Variants in CBY2 observed in about 807,000 individuals in gnomAD.
CBY2 encodes chibby family member 2.
CBY2 carries 23 observed loss-of-function variants against 25.3 expected under a neutral mutation model. The observed-to-expected ratio is 0.91, with a 90% CI of 0.65 to 1.29. The LOEUF (loss-of-function observed/expected upper bound fraction) is 1.29, where lower values mean the gene tolerates loss of function less well. CBY2 is among the 50% of genes most tolerant of loss of function. The probability of loss-of-function intolerance (pLI) is 0.00; values close to 1 mark genes in which losing one functional copy is unlikely to be tolerated. For missense variants in CBY2, 642 were observed against 590.7 expected (o/e 1.09, Z -0.90); for synonymous variants, 279 against 260.2 (o/e 1.07, Z -0.70).
In CBY2 at chr13:45,702,757, CT is replaced by C. The variant is rs1467938619; in HGVS notation, c.76-14del. On this transcript the variant is annotated splice_polypyrimidine_tract_variant and intron_variant, in intron 1 of 2. Coordinates refer to ENST00000310521, the MANE Select transcript of CBY2 (RefSeq NM_152719.3). ...TGAGCTGGGAAGCAGTAATCTTCTT[CT>C]TTTCTCGTTTCCACAGCACTCAAGG... The C allele has an allele frequency of 6.2e-7, 1 of 1,606,214 alleles. No individual in the cohort carries two copies. Among genetic ancestry groups the C allele is most frequent in the South Asian group, 1.1e-5 (1 of 90,856 alleles).
Position 45,713,234 on chromosome 13 carries a change from G to A in CBY2, c.209G>A (p.Arg70His), listed in dbSNP as rs150716541. 8.9e-5 allele frequency: 144 copies of A among 1,613,432 alleles called. No homozygotes were observed. The highest frequency in any genetic ancestry group is 1.2e-4 in the Non-Finnish European group (142 of 1,179,914). The stretch of plus-strand genomic sequence containing the variant: ...CTCCACAACTTGTACAGCACCCCTC[G>A]CTGCGCGCAGCAGGCCGCCCTGCCC... ...PRLHNLYSTP[R>H]CAQQAALPRL... The change falls in exon 3 of 3, where the codon CGC (arginine) becomes CAC (histidine). Residue 70 changes from arginine to histidine, a missense_variant. Transcript: ENST00000310521. The surrounding 1 kb of genome is among the most constrained non-coding windows in gnomAD (Gnocchi z 5.0).
In CBY2 at chr13:45,714,349, C is replaced by T. The variant is rs1305616205; in HGVS notation, c.1324C>T (p.Pro442Ser). The T allele has an allele frequency of 3.7e-6, 6 of 1,609,166 alleles. No homozygotes were observed. Among genetic ancestry groups the T allele is most frequent in the Non-Finnish European group, 4.2e-6 (5 of 1,177,846 alleles). Reference sequence around the variant, plus strand: ...CTTCATGCCGGCCAGGAGCCAGGACCCCAAGAAGCCTAGCAGGGTCTGAGG... The same window carrying T: ...CTTCATGCCGGCCAGGAGCCAGGACTCCAAGAAGCCTAGCAGGGTCTGAGG... ...YAFMPARSQD[P>S]KKPSRV The change falls in exon 3 of 3, where the codon CCC (proline) becomes TCC (serine). Residue 442 changes from proline (P) to serine (S), a missense_variant. Coordinates refer to ENST00000310521, the MANE Select transcript of CBY2 (RefSeq NM_152719.3).
At position 45,702,595 on chromosome 13, in the gene CBY2, T is replaced by C. The variant is rs146271544; in HGVS notation, c.75+130T>C. 809 of 936,422 alleles carry C rather than the reference T, an allele frequency of 8.6e-4. 2 individuals are homozygous for C. In the East Asian group the frequency reaches 9.1e-3, roughly 11 times the overall value. 58.0% of individuals were successfully genotyped at this position (936,422 alleles called of 1,614,324 possible). ...ATCTAGCTTAATATCTGTTCAGAGA[T>C]TGATAAACCATCATGCCAGATATCA... On this transcript the variant is annotated intron_variant, in intron 1 of 2. Coordinates refer to ENST00000310521, the MANE Select transcript of CBY2 (RefSeq NM_152719.3).
chr13:45,713,667 C>T lies in CBY2; in HGVS notation c.642C>T (p.Ala214=), dbSNP rs1371815095. ...KASLGREESR[A]PSPLLHKDSA... The stretch of plus-strand genomic sequence containing the variant: ...CGCTGGGCCGAGAGGAGAGCCGGGC[C>T]CCCTCGCCACTGCTGCACAAAGACA... Residue 214 remains alanine, a synonymous_variant, in exon 3 of 3, where the codon GCC becomes GCT. Transcript: ENST00000310521. This position sits in a 1 kb window ranked among gnomAD's most constrained non-coding sequence, Gnocchi z 5.0. The T allele has an allele frequency of 6.2e-7, 1 of 1,612,924 alleles. No homozygotes were observed. Among genetic ancestry groups the T allele is most frequent in the Non-Finnish European group, 8.5e-7 (1 of 1,180,000 alleles).
In CBY2 at chr13:45,702,797, GA is replaced by G. The variant is rs757680117; in HGVS notation, c.103del (p.Arg35GlufsTer8). 6.2e-7 allele frequency: 1 copy of G among 1,614,036 alleles called. No individual in the cohort carries two copies. Among genetic ancestry groups the G allele is most frequent in the South Asian group, 1.1e-5 (1 of 91,078 alleles). On this transcript the variant is annotated frameshift_variant, in exon 2 of 3. Transcript: ENST00000310521. LOFTEE classifies it high-confidence loss of function. Reference sequence around the variant, plus strand: ...CAGCACTCAAGGCCAAATTATACAAGAAAAAGAGATACCAGATCTGAAAGCC... The same window carrying G: ...CAGCACTCAAGGCCAAATTATACAAGAAAAGAGATACCAGATCTGAAAGCC... ...LTLHSRPNYTRKRDTRSESLE... is the reference protein window; with the variant it reads ...LTLHSRPNYTXKRDTRSESLE...
At chr13:45,709,883 C>G (rs1412594059) in intron 2 of CBY2, among the ~76,000 whole-genome samples, 1 of 152,166 alleles carries the variant, frequency 6.6e-6, no homozygotes, top group Non-Finnish European at 1.5e-5. Context: ...GTGTGTACTT[C>G]ACACATAGAA....
Position 45,714,411 on chromosome 13 carries a change from C to T in CBY2, c.*39C>T. On this transcript the variant is annotated 3_prime_UTR_variant, in exon 3 of 3. Coordinates refer to ENST00000310521, the MANE Select transcript of CBY2 (RefSeq NM_152719.3). The stretch of plus-strand genomic sequence containing the variant: ...CACCGGGACGCCGAGTTTGGGACAC[C>T]GAACACTGGGCAAAAGAGAATCCCC... 6.7e-7 allele frequency: 1 copy of T among 1,492,696 alleles called. No individual in the cohort carries two copies. The highest frequency in any genetic ancestry group is 9.0e-7 in the Non-Finnish European group (1 of 1,108,630). 92.5% of individuals were successfully genotyped at this position (1,492,696 alleles called of 1,614,324 possible).
intron 2 of CBY2, chr13:45,703,500 G>C (rs1257000926): frequency 6.5e-7 from 1 of 1,550,262 alleles, no homozygotes; most frequent in African/African-American, 1.4e-5. Flanking sequence ...GGGTGGCTTT[G>C]CTTTCTCCAG....
At chr13:45,707,737 C>A (rs1950247512) in intron 2 of CBY2, among the ~76,000 whole-genome samples, 1 of 152,170 alleles carries the variant, frequency 6.6e-6, no homozygotes, top group Non-Finnish European at 1.5e-5. Context: ...AATGTCTGAG[C>A]ATTGTGAAGT....
At chr13:45,707,268 T>C (rs1461276253) in intron 2 of CBY2, among the ~76,000 whole-genome samples, 1 of 152,054 alleles carries the variant, frequency 6.6e-6, no homozygotes, top group African/African-American at 2.4e-5. Context: ...AGGGAGTACA[T>C]GGATGAACCT....
Position 45,713,752 on chromosome 13 carries a change from G to A in CBY2, c.727G>A (p.Glu243Lys), listed in dbSNP as rs370705481. The change falls in exon 3 of 3, where the codon GAG becomes AAG. Residue 243 changes from glutamate (E) to lysine (K), a missense_variant. Glu to Lys is a moderately conservative substitution (Grantham distance 56). Transcript: ENST00000310521. The surrounding 1 kb of genome is among the most constrained non-coding windows in gnomAD (Gnocchi z 5.0). ...HVALQVPRGK[E>K]DSTLQLLREE... The stretch of plus-strand genomic sequence containing the variant: ...CGCCCTGCAGGTGCCCCGTGGCAAG[G>A]AGGACAGCACCCTGCAGCTCCTCCG... 14 of 1,609,808 alleles carry A rather than the reference G, an allele frequency of 8.7e-6. No homozygotes were observed. In the African/African-American group the frequency reaches 1.2e-4, roughly 14 times the overall value.
chr13:45,713,827 T>C lies in CBY2; in HGVS notation c.802T>C (p.Trp268Arg). The C allele has an allele frequency of 6.5e-7, 1 of 1,539,084 alleles. No individual in the cohort carries two copies. Among genetic ancestry groups the C allele is most frequent in the Non-Finnish European group, 8.7e-7 (1 of 1,144,362 alleles). ...QQLLEQKQAYWAQAEDTAAPA... is the reference protein window; with the variant it reads ...QQLLEQKQAYRAQAEDTAAPA... ...GCTGCTGGAGCAGAAACAGGCCTAC[T>C]GGGCGCAGGCAGAGGACACGGCCGC... is the stretch of plus-strand genomic sequence containing the variant. Residue 268 changes from tryptophan to arginine, a missense_variant, in exon 3 of 3, where the codon TGG (tryptophan) becomes CGG (arginine). By Grantham distance (101) the Trp-to-Arg change is moderately radical. Coordinates refer to ENST00000310521, the MANE Select transcript of CBY2 (RefSeq NM_152719.3). The surrounding 1 kb of genome is among the most constrained non-coding windows in gnomAD (Gnocchi z 5.0).
At chr13:45,708,523 C>T (rs1950252091) in intron 2 of CBY2, among the ~76,000 whole-genome samples, 1 of 152,154 alleles carries the variant, frequency 6.6e-6, no homozygotes, top group African/African-American at 2.4e-5. Flanking sequence ...GGTGCAATAA[C>T]ATCCTGAGTG....
intron 2 of CBY2, 154 bp downstream of exon 2, chr13:45,703,009 TG>T: frequency 8.8e-7 from 1 of 1,135,198 alleles, no homozygotes; most frequent in Non-Finnish European, 1.2e-6. Context: ...GGCGGTGTGC[TG>T]GGGAAGGCCA....
Position 45,713,810 on chromosome 13 carries a change from A to G in CBY2, c.785A>G (p.Glu262Gly), listed in dbSNP as rs1004317293. 12 of 1,557,102 alleles carry G rather than the reference A, an allele frequency of 7.7e-6. No individual in the cohort carries two copies. Among genetic ancestry groups the G allele is most frequent in the Non-Finnish European group, 8.7e-6 (10 of 1,152,816 alleles). ...EENRALQQLL[E>G]QKQAYWAQAE... The stretch of plus-strand genomic sequence containing the variant: ...AATCGCGCGCTGCAGCAGCTGCTGG[A>G]GCAGAAACAGGCCTACTGGGCGCAG... The change falls in exon 3 of 3, where the codon GAG becomes GGG. Residue 262 changes from glutamate (E) to glycine (G), a missense_variant. Physicochemically the swap from Glu to Gly is moderately conservative, Grantham distance 98 (BLOSUM62 -2). Transcript: ENST00000310521. The surrounding 1 kb of genome is among the most constrained non-coding windows in gnomAD (Gnocchi z 5.0).
rs1368314556 is a variant in CBY2, at chr13:45,713,845, A to G, written c.820A>G (p.Thr274Ala). ...GGCCTACTGGGCGCAGGCAGAGGAC[A>G]CGGCCGCCCCTGCCGAGGAAAGCAA... is the stretch of plus-strand genomic sequence containing the variant. ...KQAYWAQAED[T>A]AAPAEESKPA... The change falls in exon 3 of 3, where the codon ACG becomes GCG. Residue 274 changes from threonine to alanine, a missense_variant. By Grantham distance (58) the Thr-to-Ala change is moderately conservative. Transcript: ENST00000310521. The surrounding 1 kb of genome is among the most constrained non-coding windows in gnomAD (Gnocchi z 5.0). 4 of 1,520,160 alleles carry G rather than the reference A, an allele frequency of 2.6e-6. No individual in the cohort carries two copies. The East Asian group carries it at 9.8e-5, about 37-fold the overall frequency. The allele number at this position is 1,520,160 out of a possible 1,614,324, so 94.2% of individuals were successfully genotyped here.
At chr13:45,703,440 T>G in intron 2 of CBY2, 1 of 1,532,528 alleles carries the variant, frequency 6.5e-7, no homozygotes, top group East Asian at 2.5e-5. Context: ...GCTGTTTCCT[T>G]AGTGGAGTCC....
At position 45,713,225 on chromosome 13, in the gene CBY2, G is replaced by T. The variant is rs1950281652; in HGVS notation, c.200G>T (p.Ser67Ile). ...EPFPRLHNLY[S>I]TPRCAQQAAL... is the part of the protein sequence containing the mutation. The stretch of plus-strand genomic sequence containing the variant: ...TTCCCGAGGCTCCACAACTTGTACA[G>T]CACCCCTCGCTGCGCGCAGCAGGCC... Residue 67 changes from serine (S) to isoleucine (I), a missense_variant, in exon 3 of 3, where the codon AGC becomes ATC. Coordinates refer to ENST00000310521, the MANE Select transcript of CBY2 (RefSeq NM_152719.3). This position sits in a 1 kb window ranked among gnomAD's most constrained non-coding sequence, Gnocchi z 5.0. The T allele has an allele frequency of 6.2e-7, 1 of 1,613,434 alleles. No homozygotes were observed. Among genetic ancestry groups the T allele is most frequent in the African/African-American group, 1.3e-5 (1 of 75,064 alleles).
rs751277822 is a variant in CBY2, at chr13:45,704,057, C to G, written c.156+1202C>G. Among the ~76,000 whole-genome samples the G allele has an allele frequency of 3.7e-4, 57 of 152,054 alleles. No individual in the cohort carries two copies. The highest frequency in any genetic ancestry group is 7.1e-4 in the Non-Finnish European group (48 of 68,014). ...TGGCTGAATGTTCTCTGATAGTAAC[C>G]CTCGGTAATGTTAGCAAAGTTGGTG... On this transcript the variant is annotated intron_variant, in intron 2 of 2. Coordinates refer to ENST00000310521, the MANE Select transcript of CBY2 (RefSeq NM_152719.3). This position sits in a 1 kb window ranked among gnomAD's most constrained non-coding sequence, Gnocchi z 4.1.
Sources: gnomAD v4.1 joint callset for allele counts (sites outside exome capture counted in the v4.1 genomes callset) on GRCh38, gnomAD v4.1.1 for gene constraint, Gnocchi (gnomAD v3.1) non-coding constraint, MANE v1.5 for transcripts, NCBI Gene and HGNC (gene_info 2026-07-23, HGNC 2026-07-21) for gene names.